The following TENM1 variants were observed in gnomAD, a reference collection of about 807,000 sequenced individuals.
TENM1 encodes the protein teneurin transmembrane protein 1.
In TENM1, 35 loss-of-function variants were observed where a neutral mutation model predicts 174.8. The observed-to-expected ratio is 0.20, with a 90% CI of 0.15 to 0.27. TENM1 has a LOEUF of 0.27. Ranked by LOEUF, TENM1 falls within the 10% of genes least tolerant of loss-of-function variation. The pLI, the probability that TENM1 is intolerant of heterozygous loss-of-function variation, is 1.00. For synonymous variants in TENM1, 781 were observed against 798.7 expected, an observed-to-expected ratio of 0.98 and a Z score of 0.37; for missense variants, 1,633 against 2,130.1, an observed-to-expected ratio of 0.77 and a Z score of 4.59.
intron 11 of TENM1, among the ~76,000 whole-genome samples, chrX:124,633,441 A>C (rs1569355129): frequency 1.8e-5 from 2 of 111,774 alleles, no homozygotes; most frequent in East Asian, 5.6e-4. Flanking sequence ...TTTTACTTCA[A>C]ACTTGTCAAA....
At chrX:124,880,122 GATT>G (rs2057278179) in intron 3 of TENM1, among the ~76,000 whole-genome samples, 1 of 111,576 alleles carries the variant, frequency 9.0e-6, no homozygotes, top group African/African-American at 3.3e-5. Context: ...TGAATCTGTA[GATT>G]GTGTTGGGCA....
the TENM1 span, among the ~76,000 whole-genome samples, chrX:125,168,326 G>A: frequency 3.6e-5 from 4 of 111,440 alleles, no homozygotes; most frequent in African/African-American, 1.3e-4. Context: ...TTTGCTCTGT[G>A]TTTCCTCAGT....
intron 3 of TENM1, among the ~76,000 whole-genome samples, chrX:124,841,376 G>A (rs2056496388): frequency 9.0e-6 from 1 of 111,595 alleles, no homozygotes; most frequent in South Asian, 3.8e-4. Context: ...AGGGAGCTTG[G>A]ATTCTGTAAA....
chrX:124,951,161 T>TA (rs750085136), intron 1 of TENM1, among the ~76,000 whole-genome samples: 59 of 111,476 alleles, frequency 5.3e-4, no homozygotes, highest in South Asian at 1.5e-3. Flanking sequence ...CCACAATTAA[T>TA]AAAAAAAACC....
intron 3 of TENM1, among the ~76,000 whole-genome samples, chrX:124,812,469 C>G (rs191913119): frequency 9.0e-6 from 1 of 111,368 alleles, no homozygotes; most frequent in East Asian, 2.8e-4. Context: ...TAACGTCTAT[C>G]TAGCAAATGT....
intron 14 of TENM1, among the ~76,000 whole-genome samples, chrX:124,555,568 C>G (rs1158959323): frequency 9.0e-6 from 1 of 111,549 alleles, no homozygotes; most frequent in Non-Finnish European, 1.9e-5. Flanking sequence ...GATAAGGCAT[C>G]ATTTTGAAAA....
chrX:124,870,850 T>G (rs1269679606), intron 3 of TENM1, among the ~76,000 whole-genome samples: 1 of 111,583 alleles, frequency 9.0e-6, no homozygotes, highest in African/African-American at 3.3e-5. Flanking sequence ...TTGTCTACTC[T>G]TTTATTATTT....
rs1047042281 is a variant in TENM1 at position 124,937,481 on chromosome X, A to G, written c.217+26056T>C. On this transcript the variant is annotated intron_variant, in intron 1 of 31. Transcript: ENST00000422452. Reference sequence around the variant, plus strand: ...TCTCCCTGTATCTGTACCAACATAGACCCTGAGCTTTTCCATAACAAAACT... The same window carrying G: ...TCTCCCTGTATCTGTACCAACATAGGCCCTGAGCTTTTCCATAACAAAACT... Among the ~76,000 whole-genome samples, 4 of 111,542 alleles carry G rather than the reference A, an allele frequency of 3.6e-5. No homozygotes were observed. The Admixed American group carries it at 3.8e-4, about 11-fold the overall frequency.
intron 5 of TENM1, chrX:124,688,877 G>A (rs1431765994): frequency 1.8e-5 from 2 of 111,800 alleles, no homozygotes; most frequent in African/African-American, 3.3e-5. Context: ...TTCTAAGAGA[G>A]TGGATCTTAA....
intron 3 of TENM1, among the ~76,000 whole-genome samples, chrX:124,842,634 G>A (rs747314936): frequency 8.1e-5 from 9 of 110,654 alleles, no homozygotes; most frequent in African/African-American, 2.3e-4. Flanking sequence ...TTTTTACTGC[G>A]TATTCACAGG....
At chrX:124,556,443 T>C (rs1052825463) in intron 14 of TENM1, among the ~76,000 whole-genome samples, 1 of 111,100 alleles carries the variant, frequency 9.0e-6, no homozygotes, top group African/African-American at 3.3e-5. Context: ...CAAAGAACGA[T>C]AATATCTGCT....
the TENM1 span, among the ~76,000 whole-genome samples, chrX:125,075,356 T>C: frequency 8.9e-6 from 1 of 111,965 alleles, no homozygotes; most frequent in African/African-American, 3.2e-5. Context: ...TTCCATTGTA[T>C]GGATATATTA....
At chrX:124,687,021 TC>T (rs1753638617) in intron 5 of TENM1, among the ~76,000 whole-genome samples, 1 of 111,479 alleles carries the variant, frequency 9.0e-6, no homozygotes, top group African/African-American at 3.3e-5. Context: ...GAAAACCTCA[TC>T]GTCTCAGCCC....
intron 3 of TENM1, among the ~76,000 whole-genome samples, chrX:124,756,489 T>G (rs1337327208): frequency 9.0e-6 from 1 of 111,436 alleles, no homozygotes; most frequent in Non-Finnish European, 1.9e-5. Flanking sequence ...TTCTCTCAAC[T>G]CGTCAAAGTC....
chrX:124,836,678 T>A (rs1440833709), intron 3 of TENM1, among the ~76,000 whole-genome samples: 2 of 112,435 alleles, frequency 1.8e-5, no homozygotes, highest in African/African-American at 6.5e-5. Flanking sequence ...CTTTCTAGAA[T>A]CAGAATCAAA....
intron 23 of TENM1, among the ~76,000 whole-genome samples, chrX:124,426,765 G>A (rs1359474502): frequency 8.9e-6 from 1 of 112,259 alleles, no homozygotes; most frequent in East Asian, 2.8e-4. Context: ...AGCTGAGCTT[G>A]TGTTATGCAT....
intron 3 of TENM1, among the ~76,000 whole-genome samples, chrX:124,787,649 G>A (rs2223460): frequency 0.067 from 7,443 of 111,374 alleles, 267 homozygotes; most frequent in African/African-American, 0.14. Flanking sequence ...TCTGACAATG[G>A]TGTAAGCTTT....
At chrX:124,706,146 G>A (rs1313009900) in intron 4 of TENM1, among the ~76,000 whole-genome samples, 1 of 111,902 alleles carries the variant, frequency 8.9e-6, no homozygotes, top group African/African-American at 3.2e-5. Flanking sequence ...CTAGTGGTCC[G>A]CCCGCCTAGC....
intron 3 of TENM1, among the ~76,000 whole-genome samples, chrX:124,765,870 C>T (rs147595915): frequency 0.055 from 6,097 of 111,736 alleles, 257 homozygotes; most frequent in African/African-American, 0.13. Context: ...TTACTCATAA[C>T]GAGAAACACT....
Sources: gnomAD v4.1 joint callset for allele counts (sites outside exome capture counted in the v4.1 genomes callset) on GRCh38, gnomAD v4.1.1 for gene constraint, MANE v1.5 for transcripts, NCBI Gene and HGNC (gene_info 2026-07-23, HGNC 2026-07-21) for gene names.